SMAP1: variants seen among roughly 807,000 people sequenced by gnomAD.
The protein encoded by SMAP1 is stromal membrane-associated protein 1.
SMAP1 carries 24 observed loss-of-function variants against 58.5 expected under a neutral mutation model. That is an observed-to-expected ratio of 0.41 (90% CI 0.30 to 0.58). The LOEUF is 0.58. SMAP1 is among the 20% of genes least tolerant of loss of function. The probability of loss-of-function intolerance (pLI) is 0.29; values close to 1 mark genes in which losing one functional copy is unlikely to be tolerated. For missense variants in SMAP1, 563 were observed against 566.3 expected (o/e 0.99, Z 0.06); for synonymous variants, 216 against 196.6 (o/e 1.10, Z -0.82).
At chr6:70,736,946 T>A (rs577701318) in intron 2 of SMAP1, among the ~76,000 whole-genome samples, 1 of 152,356 alleles carries the variant, frequency 6.6e-6, no homozygotes, top group African/African-American at 2.4e-5. Flanking sequence ...GTGAGACTCA[T>A]AAAACTTTTT....
chr6:70,770,543 G>A (rs1267646709), intron 3 of SMAP1, among the ~76,000 whole-genome samples: 1 of 152,052 alleles, frequency 6.6e-6, no homozygotes, highest in African/African-American at 2.4e-5. Context: ...GATTGCATCG[G>A]CTCCTGAGGT....
At chr6:70,693,454 C>T (rs572895303) in intron 1 of SMAP1, among the ~76,000 whole-genome samples, 3 of 151,736 alleles carry the variant, frequency 2.0e-5, no homozygotes, top group Non-Finnish European at 4.4e-5. Context: ...CAGGTGTGTG[C>T]CATTACAGCC....
chr6:70,738,375 G>C (rs549350397), intron 2 of SMAP1, among the ~76,000 whole-genome samples: 1 of 150,826 alleles, frequency 6.6e-6, no homozygotes, highest in African/African-American at 2.4e-5. Context: ...AGATTCTCAG[G>C]TTAAATCTGT....
Position 70,668,160 on chromosome 6 carries a change from C to T in SMAP1, c.118+19C>T, listed in dbSNP as rs933717870. The T allele has an allele frequency of 1.9e-6, 3 of 1,587,862 alleles. No individual in the cohort carries two copies. Among genetic ancestry groups the T allele is most frequent in the Non-Finnish European group, 2.6e-6 (3 of 1,166,830 alleles). ...GCCAAAGGTAGCTTGGACGTCGTCG[C>T]TGCCCACGGTCGGGGCCTCTTGCGA... On this transcript the variant is annotated intron_variant, in intron 1 of 10. Coordinates refer to ENST00000370455, the MANE Select transcript of SMAP1 (RefSeq NM_001044305.3).
chr6:70,852,775 C>T, intron 8 of SMAP1, 111 bp downstream of exon 8: 3 of 1,258,120 alleles, frequency 2.4e-6, no homozygotes, highest in Non-Finnish European at 2.1e-6. Context: ...ATTTAAAAGT[C>T]TCCTGTTCTT....
chr6:70,769,811 A>G (rs369864065), intron 3 of SMAP1, among the ~76,000 whole-genome samples: 1 of 152,074 alleles, frequency 6.6e-6, no homozygotes, highest in Non-Finnish European at 1.5e-5. Context: ...TTAGCTGGTT[A>G]TTTTGCTCGT....
chr6:70,835,971 A>G (rs1770564801), intron 6 of SMAP1, among the ~76,000 whole-genome samples: 1 of 152,186 alleles, frequency 6.6e-6, no homozygotes, highest in South Asian at 2.1e-4. Flanking sequence ...ATTATATTTA[A>G]AAAGTAATTA....
intron 2 of SMAP1, among the ~76,000 whole-genome samples, chr6:70,735,926 T>A (rs909024559): frequency 2.0e-5 from 3 of 152,220 alleles, no homozygotes; most frequent in African/African-American, 2.4e-5. Context: ...TCTATTTTTT[T>A]AAAAATACCT....
chr6:70,723,750 G>A (rs1768636833), intron 1 of SMAP1, among the ~76,000 whole-genome samples: 2 of 152,166 alleles, frequency 1.3e-5, no homozygotes, highest in African/African-American at 4.8e-5. Context: ...AAATCTTTGT[G>A]AGGTGAATGC....
chr6:70,753,173 A>C (rs536269942), intron 2 of SMAP1, among the ~76,000 whole-genome samples: 2 of 152,246 alleles, frequency 1.3e-5, no homozygotes, highest in Admixed American at 1.3e-4. Context: ...AATAAGAAAA[A>C]AAATACCAAT....
chr6:70,857,707 A>AAAT, intron 9 of SMAP1: 1 of 559,332 alleles, frequency 1.8e-6, no homozygotes. Flanking sequence ...TTTCTTAATT[A>AAAT]AATTTACTCA....
rs1429184947 is a variant in SMAP1 at position 70,747,921 on chromosome 6, C to T, written c.253-7059C>T. ...AAAACTGCTACCTCTAATTCCACAT[C>T]ATCATTAAAAAATTTGAATTGTGTG... is the stretch of plus-strand genomic sequence containing the variant. On this transcript the variant is annotated intron_variant, in intron 2 of 10. Transcript: ENST00000370455. 2.6e-5 allele frequency among the ~76,000 whole-genome samples: 4 copies of T among 152,100 alleles called. No homozygotes were observed. In the South Asian group the frequency reaches 8.3e-4, roughly 31 times the overall value.
At chr6:70,703,305 C>G (rs1290173004) in intron 1 of SMAP1, among the ~76,000 whole-genome samples, 1 of 152,092 alleles carries the variant, frequency 6.6e-6, no homozygotes, top group Non-Finnish European at 1.5e-5. Context: ...TTGAACTGAT[C>G]TCAAGTGATC....
intron 2 of SMAP1, among the ~76,000 whole-genome samples, chr6:70,737,773 G>A (rs1765671660): frequency 6.6e-6 from 1 of 152,114 alleles, no homozygotes; most frequent in Non-Finnish European, 1.5e-5. Context: ...TATCCTTAGC[G>A]ATGAATGGGG....
At chr6:70,691,622 A>G (rs1450704571) in intron 1 of SMAP1, among the ~76,000 whole-genome samples, 3 of 151,950 alleles carry the variant, frequency 2.0e-5, no homozygotes, top group African/African-American at 4.8e-5. Context: ...TACTCTTCCC[A>G]GTTTCTGGTA....
intron 1 of SMAP1, among the ~76,000 whole-genome samples, chr6:70,720,910 G>A (rs901015601): frequency 6.6e-6 from 1 of 152,170 alleles, no homozygotes; most frequent in African/African-American, 2.4e-5. Flanking sequence ...TCTCTGACAT[G>A]GCCTGGAGAC....
intron 1 of SMAP1, among the ~76,000 whole-genome samples, chr6:70,710,493 C>CAAAAAAA (rs35171922): frequency 1.3e-5 from 1 of 75,308 alleles, no homozygotes; most frequent in African/African-American, 5.3e-5. Context: ...ACTCCCATCT[C>CAAAAAAA]AAAAAAAAAA....
chr6:70,787,496 A>C (rs552254940), intron 4 of SMAP1, among the ~76,000 whole-genome samples: 1 of 152,106 alleles, frequency 6.6e-6, no homozygotes, highest in East Asian at 1.9e-4. Context: ...AGAAACTACC[A>C]TCAGAGTGAA....
At chr6:70,742,205 T>G (rs1247144059) in intron 2 of SMAP1, among the ~76,000 whole-genome samples, 1 of 152,258 alleles carries the variant, frequency 6.6e-6, no homozygotes, top group Non-Finnish European at 1.5e-5. Flanking sequence ...AAATGAGTTT[T>G]TCTTTCCTAT....
Sources: allele counts gnomAD v4.1 joint callset (sites outside exome capture counted in the v4.1 genomes callset), GRCh38; gene constraint gnomAD v4.1.1; transcripts MANE v1.5; gene names NCBI Gene and HGNC (gene_info 2026-07-23, HGNC 2026-07-21).